KNDC1: variants seen among roughly 807,000 people sequenced by gnomAD.
KNDC1 encodes the protein kinase non-catalytic C-lobe domain-containing protein 1.
KNDC1 carries 106 observed loss-of-function variants against 172.8 expected under a neutral mutation model. The observed-to-expected ratio is 0.61, with a 90% CI of 0.52 to 0.72. KNDC1 has a LOEUF of 0.72. Among genes scored for constraint, KNDC1 ranks in the 30% least tolerant of loss-of-function variants. The probability of loss-of-function intolerance (pLI) is 0.00; values close to 1 mark genes in which losing one functional copy is unlikely to be tolerated. For missense variants in KNDC1, 2,325 were observed against 2,394.5 expected (o/e 0.97, Z 0.61); for synonymous variants, 1,083 against 1,062.2 (o/e 1.02, Z -0.38).
rs375274985 is a variant in KNDC1, at chr10:133,198,508, C to T, written c.2069+9C>T. On this transcript the variant is annotated intron_variant, in intron 13 of 29. Coordinates refer to ENST00000304613, the MANE Select transcript of KNDC1 (RefSeq NM_152643.8). ...AACGCAAGTGTGGCCAGGTGAGCATCGTCCCCACACCCCGGAGCTGCTGGG... is the reference window on the plus strand; with the variant it reads ...AACGCAAGTGTGGCCAGGTGAGCATTGTCCCCACACCCCGGAGCTGCTGGG... 28 of 1,595,200 alleles carry T rather than the reference C, an allele frequency of 1.8e-5. No individual in the cohort carries two copies. Among genetic ancestry groups the T allele is most frequent in the African/African-American group, 1.2e-4 (9 of 74,660 alleles).
At chr10:133,201,104 C>T (rs2998134) in intron 16 of KNDC1, among the ~76,000 whole-genome samples, 84,407 of 152,156 alleles carry the variant, frequency 0.55, 23,466 homozygotes, top group South Asian at 0.64. Flanking sequence ...AGGGGAAGCT[C>T]CCGCAGGGAC....
chr10:133,211,790 G>A lies in KNDC1; in HGVS notation c.4168G>A (p.Ala1390Thr). ...RGTDLENPRE[A>T]EEDARPFNAL... ...CACAGACCTGGAGAACCCCAGGGAG[G>A]CCGAGGAGGATGCCAGACCCTTCAA... Residue 1390 changes from alanine (A) to threonine (T), a missense_variant, in exon 23 of 30, where the codon GCC becomes ACC. Transcript: ENST00000304613. The A allele has an allele frequency of 1.2e-6, 2 of 1,610,704 alleles. No homozygotes were observed. The highest frequency in any genetic ancestry group is 1.7e-6 in the Non-Finnish European group (2 of 1,179,330).
chr10:133,174,544 T>C (rs913510354), intron 3 of KNDC1, among the ~76,000 whole-genome samples: 5 of 152,174 alleles, frequency 3.3e-5, no homozygotes, highest in African/African-American at 9.7e-5. Flanking sequence ...AATAAATGGA[T>C]TGATGGTTGG....
At chr10:133,169,823 G>A (rs995147655) in intron 3 of KNDC1, among the ~76,000 whole-genome samples, 1 of 152,226 alleles carries the variant, frequency 6.6e-6, no homozygotes, top group African/African-American at 2.4e-5. Context: ...TTTTGTGCTT[G>A]CGTTCCTAGT....
At chr10:133,185,368 A>G (rs1853863925) in intron 5 of KNDC1, among the ~76,000 whole-genome samples, 1 of 139,384 alleles carries the variant, frequency 7.2e-6, no homozygotes, top group Non-Finnish European at 1.6e-5. Flanking sequence ...CAGTGTGTAC[A>G]GTGTGGAGTA....
At chr10:133,221,125 G>A (rs755038907) in intron 29 of KNDC1, among the ~76,000 whole-genome samples, 169 of 152,182 alleles carry the variant, frequency 1.1e-3, no homozygotes, top group South Asian at 1.9e-3. Flanking sequence ...CCACCCTGAG[G>A]GTCTCTGCAG....
intron 3 of KNDC1, among the ~76,000 whole-genome samples, 175 bp downstream of exon 3, chr10:133,168,487 C>T (rs758850923): frequency 4.6e-5 from 7 of 151,970 alleles, no homozygotes; most frequent in Non-Finnish European, 1.0e-4. Flanking sequence ...GGGGCACACC[C>T]GGCTTCGTCC....
chr10:133,188,961 C>T (rs918572948), intron 7 of KNDC1, among the ~76,000 whole-genome samples: 2 of 152,020 alleles, frequency 1.3e-5, no homozygotes, highest in Non-Finnish European at 2.9e-5. Context: ...GCCTTGAAAC[C>T]GGTGACTGTG....
chr10:133,178,176 A>T (rs1397329208), intron 3 of KNDC1, among the ~76,000 whole-genome samples: 1 of 149,548 alleles, frequency 6.7e-6, no homozygotes, highest in Non-Finnish European at 1.5e-5. Context: ...TCCTGTGTGT[A>T]GCATGCATGT....
chr10:133,185,731 C>A (rs1233236970), intron 5 of KNDC1, among the ~76,000 whole-genome samples: 1 of 149,584 alleles, frequency 6.7e-6, no homozygotes. Flanking sequence ...AGAGGCAGCC[C>A]CAGCCTCTAA....
intron 20 of KNDC1, among the ~76,000 whole-genome samples, chr10:133,208,095 C>G (rs895155304): frequency 6.6e-6 from 1 of 152,168 alleles, no homozygotes; most frequent in African/African-American, 2.4e-5. Flanking sequence ...CCTTGGAGCC[C>G]CAAGGGTCCT....
intron 20 of KNDC1, 109 bp from the exon 21 acceptor site, chr10:133,210,502 C>A: frequency 3.0e-6 from 2 of 670,022 alleles, no homozygotes; most frequent in South Asian, 1.6e-5. Flanking sequence ...GACAGTGATA[C>A]TCAAAGAAAA....
At chr10:133,210,794 G>C (rs1845348928) in intron 21 of KNDC1, 70 bp downstream of exon 21, 1 of 1,279,172 alleles carries the variant, frequency 7.8e-7, no homozygotes, top group South Asian at 1.2e-5. Context: ...CATGGGCCTG[G>C]TTTAGCCACC....
chr10:133,221,983 G>C (rs538267432), intron 29 of KNDC1, among the ~76,000 whole-genome samples: 1 of 149,240 alleles, frequency 6.7e-6, no homozygotes, highest in African/African-American at 2.5e-5. Flanking sequence ...AGCCACTCAC[G>C]CCTGTAACCC....
In KNDC1 at chr10:133,224,961, C is replaced by T. The variant is rs1361830299; in HGVS notation, c.*71C>T. The T allele has an allele frequency of 1.1e-5, 14 of 1,270,652 alleles. No homozygotes were observed. In the African/African-American group the frequency reaches 1.9e-4, roughly 18 times the overall value. The allele number at this position is 1,270,652 out of a possible 1,614,324, so 78.7% of individuals were successfully genotyped here. Reference sequence around the variant, plus strand: ...GGGGGGCGGGCTGGGAGGTGGGAGCCGCGTCTCAGGCCCGGCCGTTATCAA... The same window carrying T: ...GGGGGGCGGGCTGGGAGGTGGGAGCTGCGTCTCAGGCCCGGCCGTTATCAA... On this transcript the variant is annotated 3_prime_UTR_variant, in exon 30 of 30. Coordinates refer to ENST00000304613, the MANE Select transcript of KNDC1 (RefSeq NM_152643.8). This position sits in a 1 kb window ranked among gnomAD's most constrained non-coding sequence, Gnocchi z 5.4.
At position 133,198,887 on chromosome 10, in the gene KNDC1, C is replaced by T. The variant is rs766014245; in HGVS notation, c.2379C>T (p.Pro793=). ...PAPPTKASAL[P]VEQGPAEPIP... is the part of the protein sequence containing the mutation. ...CGCCCACGAAGGCATCTGCGCTGCC[C>T]GTAGAGCAAGGGCCGGCTGAGCCGA... The change falls in exon 14 of 30, where the codon CCC becomes CCT. Residue 793 remains proline (P), a synonymous_variant. Coordinates refer to ENST00000304613, the MANE Select transcript of KNDC1 (RefSeq NM_152643.8). 6.3e-6 allele frequency: 10 copies of T among 1,593,776 alleles called. No individual in the cohort carries two copies. Among genetic ancestry groups the T allele is most frequent in the South Asian group, 3.4e-5 (3 of 89,364 alleles).
chr10:133,185,356 GGCAGTGTGTACAGTGTGGAGTA>G (rs1853863009), intron 5 of KNDC1, among the ~76,000 whole-genome samples: 1 of 104,226 alleles, frequency 9.6e-6, no homozygotes. Flanking sequence ...GTGTGGAGTA[GGCAGTGTGTACAGTGTGGAGTA>G]GGCAGTGTGT....
chr10:133,183,113 G>A lies in KNDC1; in HGVS notation c.361-231G>A, dbSNP rs1219329581. On this transcript the variant is annotated intron_variant, in intron 3 of 29. Coordinates refer to ENST00000304613, the MANE Select transcript of KNDC1 (RefSeq NM_152643.8). ...TGTGGACGTGGGTGGCGGCAGGGGC[G>A]GCAAAAGTGTGGGCGGTATGGGTGT... Among the ~76,000 whole-genome samples, 7 of 150,264 alleles carry A rather than the reference G, an allele frequency of 4.7e-5. No homozygotes were observed. In the East Asian group the frequency reaches 1.2e-3, roughly 26 times the overall value.
At chr10:133,199,626 AT>A (rs759674343) in intron 15 of KNDC1, 24 bp downstream of exon 15, 47 of 1,609,422 alleles carry the variant, frequency 2.9e-5, no homozygotes, top group Non-Finnish European at 3.9e-5. Context: ...TCGGCCCTGC[AT>A]TCCCGCCCCT....
Sources: allele counts gnomAD v4.1 joint callset (sites outside exome capture counted in the v4.1 genomes callset), GRCh38; gene constraint gnomAD v4.1.1; non-coding constraint Gnocchi (gnomAD v3.1); transcripts MANE v1.5; gene names NCBI Gene and HGNC (gene_info 2026-07-23, HGNC 2026-07-21).